The following RTF2 variants were observed in gnomAD, a reference collection of about 807,000 sequenced individuals.
The protein encoded by RTF2 is replication termination factor 2.
In RTF2, 18 loss-of-function variants were observed where a neutral mutation model predicts 38.0. The ratio of observed to expected loss-of-function variants is 0.47; its 90% CI spans 0.33 to 0.70. The LOEUF (loss-of-function observed/expected upper bound fraction) is 0.70, where lower values mean the gene tolerates loss of function less well. Ranked by LOEUF, RTF2 falls within the 30% of genes least tolerant of loss-of-function variation. RTF2 has a pLI of 0.02. For synonymous variants in RTF2, 126 were observed against 137.1 expected (o/e 0.92, Z 0.57); for missense variants, 311 against 379.6 (o/e 0.82, Z 1.50).
At chr20:56,503,510 A>G (rs1984057779) in intron 5 of RTF2, among the ~76,000 whole-genome samples, 2 of 152,242 alleles carry the variant, frequency 1.3e-5, no homozygotes, top group African/African-American at 2.4e-5. Context: ...AGTTGATGCC[A>G]TACTGGGAAA....
intron 5 of RTF2, among the ~76,000 whole-genome samples, chr20:56,509,504 C>G (rs1382189263): frequency 5.3e-5 from 8 of 151,494 alleles, no homozygotes; most frequent in Admixed American, 3.3e-4. Context: ...TCCCAGCTAC[C>G]CAGGAGGCTG....
At chr20:56,499,706 G>C (rs1251098899) in intron 5 of RTF2, among the ~76,000 whole-genome samples, 2 of 151,640 alleles carry the variant, frequency 1.3e-5, no homozygotes, top group Admixed American at 6.6e-5. Flanking sequence ...TAGGAAGAAG[G>C]GTTTGGGTTT....
At chr20:56,493,400 G>A (rs747435204) in intron 5 of RTF2, among the ~76,000 whole-genome samples, 1 of 152,112 alleles carries the variant, frequency 6.6e-6, no homozygotes, top group Non-Finnish European at 1.5e-5. Flanking sequence ...GTTCATGTCT[G>A]TAATCTCAGC....
At chr20:56,506,846 G>T (rs898942528) in intron 5 of RTF2, among the ~76,000 whole-genome samples, 1 of 151,944 alleles carries the variant, frequency 6.6e-6, no homozygotes, top group Non-Finnish European at 1.5e-5. Flanking sequence ...GACTACAGGC[G>T]CCCACCACCA....
At chr20:56,514,820 G>A (rs144490965) in intron 6 of RTF2, among the ~76,000 whole-genome samples, 13 of 152,290 alleles carry the variant, frequency 8.5e-5, no homozygotes, top group African/African-American at 2.6e-4. Flanking sequence ...GAATTCAGAT[G>A]CGAGTAGAAA....
intron 5 of RTF2, chr20:56,496,777 CAA>C (rs1468197443): frequency 6.4e-7 from 1 of 1,551,994 alleles, no homozygotes; most frequent in African/African-American, 1.4e-5. Context: ...TAAGCACTTC[CAA>C]AATAAATGGT....
At chr20:56,489,836 A>G (rs1414338896) in intron 5 of RTF2, among the ~76,000 whole-genome samples, 1 of 152,260 alleles carries the variant, frequency 6.6e-6, no homozygotes, top group East Asian at 1.9e-4. Flanking sequence ...GTTATAAAAT[A>G]CCGGGGACAT....
intron 5 of RTF2, among the ~76,000 whole-genome samples, chr20:56,496,254 A>G (rs899249452): frequency 2.0e-5 from 3 of 152,204 alleles, no homozygotes; most frequent in African/African-American, 7.2e-5. Context: ...CAATTTTTTC[A>G]ATAAATCTTA....
At chr20:56,475,198 C>T (rs566875215) in intron 3 of RTF2, among the ~76,000 whole-genome samples, 1 of 152,248 alleles carries the variant, frequency 6.6e-6, no homozygotes, top group African/African-American at 2.4e-5. Flanking sequence ...GTTGAAAAAA[C>T]AAGTTTTTTT....
rs114358129 is a variant in RTF2, at chr20:56,500,033, C to T, written c.478-13282C>T. The stretch of plus-strand genomic sequence containing the variant: ...ATTTTTAGGTGTGAACCACTGCGCC[C>T]GGCCTATTTGTTTTTTTGGTTTTCT... On this transcript the variant is annotated intron_variant, in intron 5 of 8. Transcript: ENST00000357348. 5.5e-3 allele frequency among the ~76,000 whole-genome samples: 830 copies of T among 151,554 alleles called. 5 individuals are homozygous for T. Among genetic ancestry groups the T allele is most frequent in the African/African-American group, 0.018 (755 of 41,316 alleles).
intron 5 of RTF2, among the ~76,000 whole-genome samples, chr20:56,513,060 G>A (rs1027814547): frequency 2.0e-5 from 3 of 152,150 alleles, no homozygotes; most frequent in Non-Finnish European, 2.9e-5. Context: ...AAAAAATGGC[G>A]GGAACCCTCC....
In RTF2 at chr20:56,518,225, A is replaced by T. The variant is rs146701310; in HGVS notation, c.881A>T (p.Glu294Val). Residue 294 changes from glutamate to valine, a missense_variant, in exon 9 of 9, where the codon GAG becomes GTG. Transcript: ENST00000357348. The stretch of plus-strand genomic sequence containing the variant: ...AGCTCCGCCAAGCGCTCCAAGGAGG[A>T]GTCTGCCCACTGGGTCACCCACACG... ...THSSAKRSKE[E>V]SAHWVTHTSY... 748 of 1,613,998 alleles carry T rather than the reference A, an allele frequency of 4.6e-4. 1 individual carries two copies. The highest frequency in any genetic ancestry group is 1.8e-3 in the South Asian group (168 of 91,062).
At chr20:56,497,223 C>T in intron 5 of RTF2, 2 of 1,551,784 alleles carry the variant, frequency 1.3e-6, no homozygotes, top group Non-Finnish European at 1.7e-6. Flanking sequence ...ATAAATAGCT[C>T]TGAGAAGCTG....
chr20:56,476,837 C>G, intron 3 of RTF2, 148 bp from the exon 4 acceptor site: 2 of 713,112 alleles, frequency 2.8e-6, no homozygotes, highest in Non-Finnish European at 4.7e-6. Context: ...ATATTATATC[C>G]ATGTTTCTTA....
At chr20:56,501,004 ACAT>A (rs1983893724) in intron 5 of RTF2, among the ~76,000 whole-genome samples, 1 of 152,212 alleles carries the variant, frequency 6.6e-6, no homozygotes, top group Non-Finnish European at 1.5e-5. Flanking sequence ...AAAAATTGAT[ACAT>A]AATAATTATA....
chr20:56,513,174 C>G, intron 5 of RTF2, 141 bp from the exon 6 acceptor site: 2 of 1,202,832 alleles, frequency 1.7e-6, no homozygotes, highest in South Asian at 3.0e-5. Flanking sequence ...CTTTCCAAAC[C>G]AAGGCTTTGA....
At chr20:56,485,723 G>A (rs941172419) in intron 5 of RTF2, among the ~76,000 whole-genome samples, 6 of 152,206 alleles carry the variant, frequency 3.9e-5, no homozygotes, top group African/African-American at 7.2e-5. Context: ...GGAATTGGTT[G>A]ATATTCAGCC....
At chr20:56,491,830 AT>A in intron 5 of RTF2, 3 of 1,416,654 alleles carry the variant, frequency 2.1e-6, no homozygotes, top group Non-Finnish European at 2.9e-6. Context: ...TTCCTCACCC[AT>A]TTTATTCACA....
At chr20:56,505,065 G>T (rs1984177314) in intron 5 of RTF2, among the ~76,000 whole-genome samples, 2 of 152,194 alleles carry the variant, frequency 1.3e-5, no homozygotes, top group South Asian at 2.1e-4. Context: ...GAGTCCGTGA[G>T]TTAAGGTTCT....
Sources: gnomAD v4.1 joint callset for allele counts (sites outside exome capture counted in the v4.1 genomes callset) on GRCh38, gnomAD v4.1.1 for gene constraint, MANE v1.5 for transcripts, NCBI Gene and HGNC (gene_info 2026-07-23, HGNC 2026-07-21) for gene names.